RALGDS: variants seen among roughly 807,000 people sequenced by gnomAD.
RALGDS encodes ral guanine nucleotide exchange factor.
Under a neutral mutation model 99.8 loss-of-function variants are expected in RALGDS, and 44 were observed. The ratio of observed to expected loss-of-function variants is 0.44; its 90% CI spans 0.35 to 0.57. RALGDS has a LOEUF of 0.57. Ranked by LOEUF, RALGDS falls within the 20% of genes least tolerant of loss-of-function variation. RALGDS has a pLI of 0.01. For missense variants in RALGDS, 1,022 were observed against 1,203.1 expected (o/e 0.85, Z 2.23); for synonymous variants, 529 against 505.0 (o/e 1.05, Z -0.64).
At position 133,117,283 on chromosome 9, in the gene RALGDS, C is replaced by T. The variant is rs145998281; in HGVS notation, c.183+3689G>A. Among the ~76,000 whole-genome samples, 129 of 152,340 alleles carry T rather than the reference C, an allele frequency of 8.5e-4. 1 individual carries two copies. In the East Asian group the frequency reaches 0.019, roughly 23 times the overall value. ...GAGAGCTGGCATCATGTCCATTTTACAGATGAGGAAACTGAGGCTCAGGAG... is the reference window on the plus strand; with the variant it reads ...GAGAGCTGGCATCATGTCCATTTTATAGATGAGGAAACTGAGGCTCAGGAG... On this transcript the variant is annotated intron_variant, in intron 1 of 17. Coordinates refer to ENST00000372050, the MANE Select transcript of RALGDS (RefSeq NM_006266.4).
chr9:133,129,262 C>G (rs1240009171), intron 1 of RALGDS: 2 of 1,596,478 alleles, frequency 1.3e-6, no homozygotes, highest in Non-Finnish European at 8.5e-7. Context: ...ACACAGAGCC[C>G]TTCCTCCCCC....
intron 5 of RALGDS, 72 bp downstream of exon 5, chr9:133,108,601 G>T: frequency 1.3e-6 from 2 of 1,570,896 alleles, no homozygotes; most frequent in Admixed American, 1.7e-5. Flanking sequence ...AGACCCTGGA[G>T]CCTCCTCTTC....
chr9:133,128,096 G>A (rs573141400), intron 1 of RALGDS, among the ~76,000 whole-genome samples: 1 of 152,208 alleles, frequency 6.6e-6, no homozygotes, highest in Non-Finnish European at 1.5e-5. Flanking sequence ...CGCTCGGACA[G>A]CTGTCCCCCA....
At chr9:133,128,763 G>A (rs527800924) in intron 1 of RALGDS, among the ~76,000 whole-genome samples, 7 of 152,276 alleles carry the variant, frequency 4.6e-5, no homozygotes, top group South Asian at 2.1e-4. Flanking sequence ...GACAGTAACC[G>A]TCATAGCACC....
At position 133,101,953 on chromosome 9, in the gene RALGDS, A is replaced by T. The variant is rs745562514; in HGVS notation, c.2196T>A (p.Asp732Glu). The change falls in exon 15 of 18, where the codon GAT becomes GAA. Residue 732 changes from aspartate (D) to glutamate (E), a missense_variant. Physicochemically the swap from Asp to Glu is conservative, Grantham distance 45. Transcript: ENST00000372050. ...AGGCAGTCACCTTCTTTTCCTGGCC[A>T]TCAGGAGACTCCGGGACGAAGCTGA... Reference protein sequence around the residue: ...INISFVPESPDGQEKKFWESA... With the variant: ...INISFVPESPEGQEKKFWESA... The T allele has an allele frequency of 1.3e-6, 2 of 1,551,294 alleles. No homozygotes were observed. The highest frequency in any genetic ancestry group is 1.2e-5 in the South Asian group (1 of 84,090).
rs1204917225 is a variant in RALGDS at position 133,100,365 on chromosome 9, C to T, written c.2472G>A (p.Lys824=). Residue 824 remains lysine, a synonymous_variant, in exon 17 of 18, where the codon AAG becomes AAA. Coordinates refer to ENST00000372050, the MANE Select transcript of RALGDS (RefSeq NM_006266.4). The part of the protein sequence containing the change: ...YKSILVTSQD[K]APAVIRKAMD... ...TGGCCTTGCGGATTACAGCCGGAGC[C>T]TTATCTTGGCTGGTCACCTGCATCG... 2 of 1,614,186 alleles carry T rather than the reference C, an allele frequency of 1.2e-6. No homozygotes were observed. The highest frequency in any genetic ancestry group is 3.3e-5 in the Admixed American group (2 of 60,034).
chr9:133,098,322 C>A lies in RALGDS; in HGVS notation c.*265G>T. The A allele has an allele frequency of 1.9e-6, 1 of 522,392 alleles. No homozygotes were observed. The allele number at this position is 522,392 out of a possible 1,614,324, so 32.4% of individuals were successfully genotyped here. On this transcript the variant is annotated 3_prime_UTR_variant, in exon 18 of 18. Coordinates refer to ENST00000372050, the MANE Select transcript of RALGDS (RefSeq NM_006266.4). ...GGGGCAGGCAGGGCACCATGCCATG[C>A]CCGTTGGCACTGCTCCTTGGCAAAA...
intron 1 of RALGDS, among the ~76,000 whole-genome samples, chr9:133,137,476 G>A (rs113823847): frequency 6.6e-6 from 1 of 152,250 alleles, no homozygotes; most frequent in Admixed American, 6.5e-5. Context: ...AAGAGGTGAT[G>A]AGGCTGGAGA....
At chr9:133,125,965 C>T (rs1354037513), upstream of RALGDS, among the ~76,000 whole-genome samples, 3 of 152,160 alleles carry the variant, frequency 2.0e-5, no homozygotes, top group East Asian at 1.9e-4. Flanking sequence ...AGCTAGAACC[C>T]GAGTCCGGAT....
At chr9:133,103,927 G>A (rs2119132566) in intron 10 of RALGDS, 94 bp from the exon 11 acceptor site, 2 of 1,243,460 alleles carry the variant, frequency 1.6e-6, no homozygotes, top group Non-Finnish European at 2.3e-6. Flanking sequence ...ACAGCTGGGG[G>A]ACCTCTGGGG....
intron 6 of RALGDS, 106 bp downstream of exon 6, chr9:133,107,882 G>A (rs1373325250): frequency 5.7e-6 from 8 of 1,413,140 alleles, no homozygotes; most frequent in East Asian, 2.3e-5. Context: ...AGCAGAGCTG[G>A]GATTTGACCA....
upstream of RALGDS, among the ~76,000 whole-genome samples, chr9:133,124,025 G>T (rs1832060372): frequency 9.3e-6 from 1 of 107,668 alleles, no homozygotes; most frequent in Non-Finnish European, 1.9e-5. Flanking sequence ...GATACACAGA[G>T]ATGCACACAC....
intron 1 of RALGDS, among the ~76,000 whole-genome samples, chr9:133,140,733 C>T (rs1231909997): frequency 1.3e-5 from 2 of 152,188 alleles, no homozygotes; most frequent in East Asian, 3.9e-4. Flanking sequence ...GGCTGTGTGC[C>T]TGAATCTTCC....
In RALGDS at chr9:133,108,712, G is replaced by T. The variant is rs1467462107; in HGVS notation, c.739C>A (p.Gln247Lys). Residue 247 changes from glutamine to lysine, a missense_variant, in exon 5 of 18, where the codon CAG (glutamine) becomes AAG (lysine). Coordinates refer to ENST00000372050, the MANE Select transcript of RALGDS (RefSeq NM_006266.4). ...TCAATGGGTTCCGAGTGCTCCAGCTGGGCCAGGAGAAGGTGGGCACGGCGC... is the reference window on the plus strand; with the variant it reads ...TCAATGGGTTCCGAGTGCTCCAGCTTGGCCAGGAGAAGGTGGGCACGGCGC... ...LERRAHLLLAQLEHSEPIEAE... is the reference protein window; with the variant it reads ...LERRAHLLLAKLEHSEPIEAE... 2 of 1,613,748 alleles carry T rather than the reference G, an allele frequency of 1.2e-6. No individual in the cohort carries two copies. Among genetic ancestry groups the T allele is most frequent in the African/African-American group, 1.3e-5 (1 of 75,034 alleles).
rs761749654 is a variant in RALGDS at position 133,098,409 on chromosome 9, AG to A, written c.*177del. On this transcript the variant is annotated 3_prime_UTR_variant, in exon 18 of 18. Coordinates refer to ENST00000372050, the MANE Select transcript of RALGDS (RefSeq NM_006266.4). ...CCTAAGGCAGCGAGTGGTCCACGGG[AG>A]GCCAGGTCAGCCTGACCAATGGCAG... 1 of 667,784 alleles carries A rather than the reference AG, an allele frequency of 1.5e-6. No individual in the cohort carries two copies. The highest frequency in any genetic ancestry group is 2.6e-6 in the Non-Finnish European group (1 of 387,066). 41.4% of individuals were successfully genotyped at this position (667,784 alleles called of 1,614,324 possible).
chr9:133,146,395 T>C (rs1407988226), intron 1 of RALGDS, among the ~76,000 whole-genome samples: 4 of 152,174 alleles, frequency 2.6e-5, no homozygotes, highest in African/African-American at 9.7e-5. Flanking sequence ...TTTCACCACG[T>C]TGGCCAGGCT....
chr9:133,098,820 C>T (rs1187767732), intron 17 of RALGDS, 58 bp from the exon 18 acceptor site: 1 of 1,558,816 alleles, frequency 6.4e-7, no homozygotes, highest in Non-Finnish European at 8.8e-7. Flanking sequence ...TGCAGGATAC[C>T]CCTACCGCTT....
intron 1 of RALGDS, among the ~76,000 whole-genome samples, chr9:133,119,509 C>T (rs1831799248): frequency 6.6e-6 from 1 of 152,164 alleles, no homozygotes; most frequent in Non-Finnish European, 1.5e-5. Context: ...GACCCCCAGG[C>T]AGGGGTGGGG....
intron 7 of RALGDS, 89 bp downstream of exon 7, chr9:133,106,996 C>A (rs1831097173): frequency 2.8e-6 from 4 of 1,432,072 alleles, no homozygotes; most frequent in Admixed American, 1.7e-5. Context: ...GAAGGGTAGA[C>A]TGGGGCCTGT....
Sources: gnomAD v4.1 joint callset for allele counts (sites outside exome capture counted in the v4.1 genomes callset) on GRCh38, gnomAD v4.1.1 for gene constraint, MANE v1.5 for transcripts, NCBI Gene and HGNC (gene_info 2026-07-23, HGNC 2026-07-21) for gene names.